Variants in NRXN3 observed in about 807,000 individuals in gnomAD.
NRXN3 encodes neurexin 3.
Under a neutral mutation model 137.6 loss-of-function variants are expected in NRXN3, and 32 were observed. That is an observed-to-expected ratio of 0.23 (90% confidence interval 0.18 to 0.31). NRXN3 has a LOEUF of 0.31. Ranked by LOEUF, NRXN3 falls within the 10% of genes least tolerant of loss-of-function variation. NRXN3 has a pLI of 1.00. For missense variants in NRXN3, 1,574 were observed against 2,062.5 expected (o/e 0.76, Z 4.59); for synonymous variants, 798 against 784.5 (o/e 1.02, Z -0.29).
At chr14:79,817,005 T>A (rs2099253543) in intron 20 of NRXN3, among the ~76,000 whole-genome samples, 1 of 152,220 alleles carries the variant, frequency 6.6e-6, no homozygotes, top group South Asian at 2.1e-4. Flanking sequence ...TTTGATTGGG[T>A]TTCTGATAGT....
intron 10 of NRXN3, among the ~76,000 whole-genome samples, chr14:78,893,338 T>C (rs975564261): frequency 2.0e-5 from 3 of 152,018 alleles, no homozygotes; most frequent in Non-Finnish European, 4.4e-5. Flanking sequence ...CTCTGATCTT[T>C]AGTCAATCTT....
chr14:79,279,752 T>G (rs368931589), intron 15 of NRXN3: 1 of 987,972 alleles, frequency 1.0e-6, no homozygotes, highest in East Asian at 1.1e-4. Flanking sequence ...CTCTTCCACC[T>G]GCAGCCCCCT....
intron 1 of NRXN3, among the ~76,000 whole-genome samples, chr14:78,232,985 G>A (rs993459183): frequency 1.3e-5 from 2 of 152,218 alleles, no homozygotes; most frequent in African/African-American, 4.8e-5. Context: ...GTGTGTGAGA[G>A]AAGAGTTTGT....
At chr14:78,761,974 T>G (rs1423582883) in intron 8 of NRXN3, among the ~76,000 whole-genome samples, 1 of 152,234 alleles carries the variant, frequency 6.6e-6, no homozygotes, top group Non-Finnish European at 1.5e-5. Context: ...GTTATTATCA[T>G]CATTTTACAG....
chr14:78,400,657 C>A (rs575465778), intron 4 of NRXN3, among the ~76,000 whole-genome samples: 1 of 152,268 alleles, frequency 6.6e-6, no homozygotes, highest in African/African-American at 2.4e-5. Context: ...TAAGTTAAAC[C>A]TGACAATTCT....
chr14:79,496,252 C>T (rs200038319), intron 16 of NRXN3, among the ~76,000 whole-genome samples: 6 of 145,766 alleles, frequency 4.1e-5, no homozygotes, highest in Admixed American at 4.0e-4. Flanking sequence ...CACACACACA[C>T]ACAGACACAC....
chr14:79,625,050 C>T (rs2098268685), intron 16 of NRXN3, among the ~76,000 whole-genome samples: 1 of 152,122 alleles, frequency 6.6e-6, no homozygotes, highest in South Asian at 2.1e-4. Context: ...TCTCCCACCT[C>T]AGCCTCCCAA....
chr14:79,433,819 C>T (rs1443553162), intron 15 of NRXN3, among the ~76,000 whole-genome samples: 3 of 152,184 alleles, frequency 2.0e-5, no homozygotes, highest in Non-Finnish European at 4.4e-5. Context: ...TGCAACACAG[C>T]TCTTGCCTAT....
intron 20 of NRXN3, among the ~76,000 whole-genome samples, chr14:79,851,189 G>T (rs574782009): frequency 2.0e-5 from 3 of 152,186 alleles, no homozygotes; most frequent in East Asian, 1.9e-4. Context: ...CACTTAGACC[G>T]GTTATGTTTC....
intron 15 of NRXN3, among the ~76,000 whole-genome samples, chr14:79,216,215 G>A (rs895358898): frequency 1.3e-5 from 2 of 152,180 alleles, no homozygotes; most frequent in African/African-American, 4.8e-5. Flanking sequence ...CTGAGATGGT[G>A]TGGCTTTTCC....
chr14:79,168,095 AAGGT>A (rs971330932), intron 15 of NRXN3, among the ~76,000 whole-genome samples: 7 of 152,020 alleles, frequency 4.6e-5, no homozygotes, highest in African/African-American at 1.7e-4. Flanking sequence ...CTCTGACTGT[AAGGT>A]CACCCTCCTT....
At chr14:78,360,488 G>C (rs185163700) in intron 4 of NRXN3, among the ~76,000 whole-genome samples, 177 of 152,260 alleles carry the variant, frequency 1.2e-3, no homozygotes, top group African/African-American at 3.9e-3. Context: ...ATGATTAAAA[G>C]CATGAGCTCT....
At chr14:78,638,104 G>A (rs1342939627) in intron 4 of NRXN3, among the ~76,000 whole-genome samples, 1 of 152,208 alleles carries the variant, frequency 6.6e-6, no homozygotes, top group Non-Finnish European at 1.5e-5. Context: ...CAAGTGACAA[G>A]TTGATTTACT....
intron 16 of NRXN3, among the ~76,000 whole-genome samples, chr14:79,531,189 T>C (rs9805929): frequency 0.036 from 5,526 of 152,284 alleles, 312 homozygotes; most frequent in African/African-American, 0.12. Flanking sequence ...GTTTAGCTAA[T>C]GCTATGCTCA....
chr14:78,885,383 G>C (rs988274717), intron 10 of NRXN3, among the ~76,000 whole-genome samples: 3 of 151,796 alleles, frequency 2.0e-5, no homozygotes, highest in Non-Finnish European at 2.9e-5. Context: ...GGGGAGTGTT[G>C]ATTTAAAAGC....
intron 17 of NRXN3, among the ~76,000 whole-genome samples, chr14:79,665,779 C>T (rs376456667): frequency 6.6e-6 from 1 of 152,148 alleles, no homozygotes; most frequent in Non-Finnish European, 1.5e-5. Context: ...GAGATTCTTG[C>T]TGTGCGCCTA....
chr14:79,137,594 A>G (rs1010343464), intron 15 of NRXN3, among the ~76,000 whole-genome samples: 2 of 152,188 alleles, frequency 1.3e-5, no homozygotes, highest in Non-Finnish European at 2.9e-5. Context: ...TCAGATTCCT[A>G]TGGTACATTA....
chr14:79,840,965 T>C lies in NRXN3; in HGVS notation c.4094-20377T>C, dbSNP rs567080197. 2.0e-5 allele frequency among the ~76,000 whole-genome samples: 3 copies of C among 152,290 alleles called. No homozygotes were observed. The South Asian group carries it at 6.2e-4, about 32-fold the overall frequency. The stretch of plus-strand genomic sequence containing the variant: ...ATATTCATTGAGCTTTTGGAATGAC[T>C]GGAAAATTTCTCAAAGCTTCCTCCC... On this transcript the variant is annotated intron_variant, in intron 20 of 20. Transcript: ENST00000335750.
intron 4 of NRXN3, among the ~76,000 whole-genome samples, chr14:78,304,151 A>G (rs1042365953): frequency 6.6e-5 from 10 of 152,108 alleles, no homozygotes; most frequent in Non-Finnish European, 1.3e-4. Flanking sequence ...AGGAGTCCCA[A>G]TGGGTCATGA....
Sources: gnomAD v4.1 joint callset for allele counts (sites outside exome capture counted in the v4.1 genomes callset) on GRCh38, gnomAD v4.1.1 for gene constraint, MANE v1.5 for transcripts, NCBI Gene and HGNC (gene_info 2026-07-23, HGNC 2026-07-21) for gene names.